MSR1: variants seen among roughly 807,000 people sequenced by gnomAD.
MSR1 encodes macrophage scavenger receptor types I and II.
Under a neutral mutation model 47.2 loss-of-function variants are expected in MSR1, and 53 were observed. The ratio of observed to expected loss-of-function variants is 1.12; its 90% CI spans 0.90 to 1.41. The LOEUF (loss-of-function observed/expected upper bound fraction) is 1.41. Ranked by LOEUF, MSR1 falls within the 40% of genes most tolerant of loss-of-function variation. MSR1 has a pLI of 0.00. For missense variants in MSR1, 786 were observed against 546.9 expected, an observed-to-expected ratio of 1.44 and a Z score of -4.36; for synonymous variants, 239 against 185.6, an observed-to-expected ratio of 1.29 and a Z score of -2.34.
chr8:16,163,376 AG>A (rs1439921638), intron 5 of MSR1, among the ~76,000 whole-genome samples: 2 of 151,870 alleles, frequency 1.3e-5, no homozygotes, highest in African/African-American at 2.4e-5. Flanking sequence ...AACAGGCAAA[AG>A]GTTGCAATCA....
intron 4 of MSR1, among the ~76,000 whole-genome samples, chr8:16,166,581 T>G (rs1219955918): frequency 3.9e-5 from 6 of 152,120 alleles, no homozygotes; most frequent in Admixed American, 3.9e-4. Context: ...CAAAAAATCC[T>G]ATATAGCATC....
chr8:16,123,425 T>C (rs1241490692), intron 8 of MSR1, among the ~76,000 whole-genome samples: 1 of 152,134 alleles, frequency 6.6e-6, no homozygotes, highest in Non-Finnish European at 1.5e-5. Context: ...GACTGAAGGA[T>C]CAAAACTTCT....
intron 6 of MSR1, among the ~76,000 whole-genome samples, chr8:16,152,912 T>C (rs1242375311): frequency 3.3e-5 from 5 of 152,060 alleles, no homozygotes; most frequent in African/African-American, 4.8e-5. Context: ...ACATAGTTTT[T>C]GAGTGAAAAG....
At chr8:16,114,964 G>A (rs542857000) in intron 9 of MSR1, among the ~76,000 whole-genome samples, 11 of 151,958 alleles carry the variant, frequency 7.2e-5, no homozygotes, top group East Asian at 3.9e-4. Flanking sequence ...GATCTCGTGC[G>A]GTCAGGAGTT....
chr8:16,192,433 C>G (rs1370519977), intron 1 of MSR1, among the ~76,000 whole-genome samples, 165 bp downstream of exon 1: 2 of 144,878 alleles, frequency 1.4e-5, no homozygotes, highest in East Asian at 4.0e-4. Flanking sequence ...AAAAACCAAA[C>G]CAAATTATTG....
chr8:16,184,743 T>C (rs542502421), intron 1 of MSR1, among the ~76,000 whole-genome samples: 2 of 152,318 alleles, frequency 1.3e-5, no homozygotes, highest in East Asian at 1.9e-4. Flanking sequence ...TTTTCTCCCT[T>C]TCACTTTGAA....
chr8:16,120,815 T>C, intron 8 of MSR1: 1 of 631,656 alleles, frequency 1.6e-6, no homozygotes, highest in Non-Finnish European at 2.7e-6. Context: ...TAACAGCTGT[T>C]AAGAGCAAAA....
At chr8:16,186,217 G>A (rs1435035326) in intron 1 of MSR1, 6 of 1,534,778 alleles carry the variant, frequency 3.9e-6, no homozygotes. Context: ...ATCCAGGGGA[G>A]TTTTATTTAT....
chr8:16,134,571 G>C (rs1329954905), intron 8 of MSR1, among the ~76,000 whole-genome samples: 1 of 152,008 alleles, frequency 6.6e-6, no homozygotes, highest in Non-Finnish European at 1.5e-5. Context: ...CCTATTCCCT[G>C]AGACACAGCA....
At chr8:16,144,513 T>C (rs1800646696) in intron 7 of MSR1, among the ~76,000 whole-genome samples, 1 of 152,134 alleles carries the variant, frequency 6.6e-6, no homozygotes, top group African/African-American at 2.4e-5. Flanking sequence ...CTTTTCATCC[T>C]AGAGCTCAGA....
At chr8:16,185,112 G>A (rs1303146293) in intron 1 of MSR1, among the ~76,000 whole-genome samples, 1 of 151,084 alleles carries the variant, frequency 6.6e-6, no homozygotes, top group African/African-American at 2.4e-5. Flanking sequence ...AAAAGGGATT[G>A]GTTTATCATG....
intron 1 of MSR1, among the ~76,000 whole-genome samples, chr8:16,180,639 A>T (rs1307466258): frequency 6.6e-6 from 1 of 152,216 alleles, no homozygotes. Context: ...TGGCATCTTT[A>T]GGACAGCAAA....
rs1178864731 is a variant in MSR1, at chr8:16,188,986, AT to A, written c.-5+3611del. Among the ~76,000 whole-genome samples, 4 of 146,134 alleles carry A rather than the reference AT, an allele frequency of 2.7e-5. No individual in the cohort carries two copies. In the East Asian group the frequency reaches 7.9e-4, roughly 29 times the overall value. On this transcript the variant is annotated intron_variant, in intron 1 of 9. Transcript: ENST00000262101. ...CACATACATATATATATATATATAT[AT>A]ATATATATATAAAACAACATATATA...
intron 8 of MSR1, among the ~76,000 whole-genome samples, chr8:16,123,476 G>A (rs1434938151): frequency 6.6e-6 from 1 of 151,654 alleles, no homozygotes; most frequent in Non-Finnish European, 1.5e-5. Flanking sequence ...TGTAAAGAAT[G>A]TCTGTCGTTT....
intron 9 of MSR1, among the ~76,000 whole-genome samples, chr8:16,112,070 T>C (rs12676117): frequency 0.03 from 4,596 of 152,244 alleles, 157 homozygotes; most frequent in East Asian, 0.14. Context: ...AGATCACATA[T>C]ACAATCATGC....
chr8:16,189,351 T>C (rs1253785909), intron 1 of MSR1, among the ~76,000 whole-genome samples: 2 of 107,894 alleles, frequency 1.9e-5, no homozygotes, highest in African/African-American at 8.2e-5. Flanking sequence ...AAAATCTTAT[T>C]TTATATATTT....
At chr8:16,155,470 G>A (rs1800980186) in intron 5 of MSR1, among the ~76,000 whole-genome samples, 1 of 152,002 alleles carries the variant, frequency 6.6e-6, no homozygotes, top group South Asian at 2.1e-4. Flanking sequence ...AGTGTTGTAC[G>A]CATCCTAGGC....
intron 4 of MSR1, among the ~76,000 whole-genome samples, chr8:16,167,059 C>A (rs2117177779): frequency 6.6e-6 from 1 of 152,118 alleles, no homozygotes; most frequent in South Asian, 2.1e-4. Flanking sequence ...TTCACCATTC[C>A]CTTGCATTTC....
At chr8:16,137,224 T>A (rs1461817212) in intron 8 of MSR1, among the ~76,000 whole-genome samples, 1 of 152,102 alleles carries the variant, frequency 6.6e-6, no homozygotes, top group Admixed American at 6.6e-5. Context: ...AGGAAGACTA[T>A]GTTTCTGAGT....
Sources: allele counts gnomAD v4.1 joint callset (sites outside exome capture counted in the v4.1 genomes callset), GRCh38; gene constraint gnomAD v4.1.1; transcripts MANE v1.5; gene names NCBI Gene and HGNC (gene_info 2026-07-23, HGNC 2026-07-21).